SYN3: variants seen among roughly 807,000 people sequenced by gnomAD.
SYN3 encodes synapsin III, also known as synapsin-3.
A neutral mutation model predicts 65.8 loss-of-function variants in SYN3; 35 were observed. The ratio of observed to expected loss-of-function variants is 0.53; its 90% CI spans 0.41 to 0.70. SYN3 has a LOEUF of 0.70. SYN3 is among the 30% of genes least tolerant of loss of function. The pLI is 0.00. For synonymous variants in SYN3, 270 were observed against 292.9 expected, an observed-to-expected ratio of 0.92 and a Z score of 0.80; for missense variants, 680 against 749.0, an observed-to-expected ratio of 0.91 and a Z score of 1.08.
chr22:32,819,895 C>T (rs1036190301), intron 6 of SYN3, among the ~76,000 whole-genome samples: 4 of 152,200 alleles, frequency 2.6e-5, no homozygotes, highest in Non-Finnish European at 5.9e-5. Flanking sequence ...TCCTGTTCTG[C>T]GCATGGGCCC....
intron 12 of SYN3, 164 bp from the exon 13 acceptor site, chr22:32,518,498 C>T (rs750055798): frequency 4.9e-6 from 4 of 812,920 alleles, no homozygotes; most frequent in Admixed American, 2.0e-5. Flanking sequence ...TAATTAGGAA[C>T]ATTAAGATAC....
At chr22:32,819,123 G>A (rs930512174) in intron 6 of SYN3, among the ~76,000 whole-genome samples, 2 of 152,248 alleles carry the variant, frequency 1.3e-5, no homozygotes, top group Non-Finnish European at 2.9e-5. Flanking sequence ...ATTGCTCAGG[G>A]GAATTTTGTT....
At chr22:32,671,446 C>T (rs1006072831) in intron 6 of SYN3, among the ~76,000 whole-genome samples, 2 of 152,052 alleles carry the variant, frequency 1.3e-5, no homozygotes, top group African/African-American at 4.8e-5. Flanking sequence ...AAAACACACC[C>T]TCCCTCACAC....
chr22:32,982,701 C>G (rs569730297), intron 2 of SYN3, among the ~76,000 whole-genome samples: 11 of 152,270 alleles, frequency 7.2e-5, no homozygotes, highest in African/African-American at 2.4e-4. Context: ...TAACACCTAC[C>G]AGAGTGCTTA....
intron 6 of SYN3, among the ~76,000 whole-genome samples, chr22:32,701,283 T>A (rs956621921): frequency 1.3e-5 from 2 of 152,224 alleles, no homozygotes; most frequent in African/African-American, 4.8e-5. Context: ...CTCCCACTGA[T>A]GCAATTACTT....
chr22:32,782,515 C>CTTT (rs1265679936), intron 6 of SYN3, among the ~76,000 whole-genome samples: 6 of 124,164 alleles, frequency 4.8e-5, no homozygotes, highest in Admixed American at 8.2e-5. Context: ...CCTTGTAATT[C>CTTT]TTTTTTTTTT....
At position 32,509,664 on chromosome 22, in the gene SYN3, G is replaced by C. The variant is rs931945315; in HGVS notation, c.*4028C>G. Among the ~76,000 whole-genome samples, 13 of 152,120 alleles carry C rather than the reference G, an allele frequency of 8.5e-5. No homozygotes were observed. Among genetic ancestry groups the C allele is most frequent in the Non-Finnish European group, 1.6e-4 (11 of 67,986 alleles). On this transcript the variant is annotated 3_prime_UTR_variant, in exon 14 of 14. Coordinates refer to ENST00000358763, the MANE Select transcript of SYN3 (RefSeq NM_003490.4). The stretch of plus-strand genomic sequence containing the variant: ...GCTCACTGCAAGCTCCGCCTCCCGG[G>C]TTCACGCCATTCTCCTGCCTCAGCC...
Position 32,965,794 on chromosome 22 carries a change from G to A in SYN3, c.369+14851C>T, listed in dbSNP as rs543703685. ...ACTGCAAGCTCCGCCTCCCGGGTTC[G>A]CGCCATTCTCCTGCCTCAGCCTCCC... On this transcript the variant is annotated intron_variant, in intron 3 of 13. Transcript: ENST00000358763. 3.3e-4 allele frequency among the ~76,000 whole-genome samples: 50 copies of A among 151,922 alleles called. No homozygotes were observed. The East Asian group carries it at 7.2e-3, about 22-fold the overall frequency.
chr22:32,966,106 G>A (rs2051835752), intron 3 of SYN3, among the ~76,000 whole-genome samples: 2 of 152,174 alleles, frequency 1.3e-5, no homozygotes, highest in Non-Finnish European at 1.5e-5. Context: ...TGAGCCCAGA[G>A]TCTACAGGGA....
chr22:32,757,179 T>G (rs1483880121), intron 6 of SYN3, among the ~76,000 whole-genome samples: 1 of 152,136 alleles, frequency 6.6e-6, no homozygotes. Context: ...CATTACATTC[T>G]GCTGGCATAT....
At chr22:32,963,851 C>A (rs948641019) in intron 3 of SYN3, among the ~76,000 whole-genome samples, 1 of 152,136 alleles carries the variant, frequency 6.6e-6, no homozygotes, top group Admixed American at 6.5e-5. Context: ...CAAGAATAAG[C>A]AAATTAAGAC....
chr22:32,568,923 G>C (rs1439265156), intron 7 of SYN3, among the ~76,000 whole-genome samples: 2 of 152,282 alleles, frequency 1.3e-5, no homozygotes, highest in East Asian at 3.9e-4. Context: ...ATCAGGCTGG[G>C]TTTGTAGAAT....
At chr22:33,043,231 G>A (rs1207566279) in intron 1 of SYN3, among the ~76,000 whole-genome samples, 1 of 152,126 alleles carries the variant, frequency 6.6e-6, no homozygotes, top group Non-Finnish European at 1.5e-5. Context: ...CCCCTACAAG[G>A]TTAGTGCGGC....
chr22:32,567,032 C>T (rs1005875762), intron 7 of SYN3, among the ~76,000 whole-genome samples: 17 of 152,206 alleles, frequency 1.1e-4, no homozygotes, highest in African/African-American at 4.1e-4. Context: ...AATGGATTCT[C>T]TTCTTTGATG....
At chr22:32,912,919 A>G (rs749065973) in intron 4 of SYN3, among the ~76,000 whole-genome samples, 2 of 152,164 alleles carry the variant, frequency 1.3e-5, no homozygotes, top group Non-Finnish European at 2.9e-5. Context: ...AATGGTAGAT[A>G]CATGTCACAC....
intron 6 of SYN3, among the ~76,000 whole-genome samples, chr22:32,760,911 T>C (rs1023777170): frequency 6.6e-6 from 1 of 152,246 alleles, no homozygotes; most frequent in Non-Finnish European, 1.5e-5. Context: ...CCCAGGCAGC[T>C]GGTCCAGGGT....
chr22:32,689,815 G>C (rs972690313), intron 6 of SYN3, among the ~76,000 whole-genome samples: 31 of 152,216 alleles, frequency 2.0e-4, no homozygotes, highest in African/African-American at 6.3e-4. Flanking sequence ...TAGGAGATGG[G>C]GCCTTTGGGA....
intron 6 of SYN3, among the ~76,000 whole-genome samples, chr22:32,633,294 C>T (rs928552655): frequency 2.6e-5 from 4 of 152,164 alleles, no homozygotes; most frequent in Non-Finnish European, 4.4e-5. Flanking sequence ...GATTTTTGAG[C>T]GGAGCAAACA....
Position 32,560,944 on chromosome 22 carries a change from T to C in SYN3, c.775-19231A>G, listed in dbSNP as rs539195647. 2.1e-4 allele frequency among the ~76,000 whole-genome samples: 32 copies of C among 152,206 alleles called. 1 individual carries two copies. The highest frequency in any genetic ancestry group is 7.7e-4 in the African/African-American group (32 of 41,538). Reference sequence around the variant, plus strand: ...TGAAAGGATTTGCTGATGGGTAGGATGTGGGGTGTGAAGGAAATGCAGGAG... The same window carrying C: ...TGAAAGGATTTGCTGATGGGTAGGACGTGGGGTGTGAAGGAAATGCAGGAG... On this transcript the variant is annotated intron_variant, in intron 7 of 13. Transcript: ENST00000358763.
Sources: gnomAD v4.1 joint callset for allele counts (sites outside exome capture counted in the v4.1 genomes callset) on GRCh38, gnomAD v4.1.1 for gene constraint, MANE v1.5 for transcripts, NCBI Gene and HGNC (gene_info 2026-07-23, HGNC 2026-07-21) for gene names.